The following GPHN variants were observed in gnomAD, a reference collection of about 807,000 sequenced individuals.
GPHN encodes gephyrin.
Under a neutral mutation model 95.5 loss-of-function variants are expected in GPHN, and 17 were observed. That is an observed-to-expected ratio of 0.18 (90% confidence interval 0.12 to 0.27). The LOEUF is 0.27. Ranked by LOEUF, GPHN falls within the 10% of genes least tolerant of loss-of-function variation. The probability of loss-of-function intolerance (pLI) is 1.00; values close to 1 mark genes in which losing one functional copy is unlikely to be tolerated. For missense variants in GPHN, 660 were observed against 978.1 expected (o/e 0.67, Z 4.34); for synonymous variants, 320 against 322.5 (o/e 0.99, Z 0.08).
At chr14:67,094,208 A>T (rs950591772) in intron 12 of GPHN, among the ~76,000 whole-genome samples, 2 of 152,130 alleles carry the variant, frequency 1.3e-5, no homozygotes, top group Admixed American at 6.5e-5. Flanking sequence ...TGTGTACACA[A>T]TGAGTAGTTA....
intron 11 of GPHN, among the ~76,000 whole-genome samples, chr14:67,060,749 A>G (rs989509323): frequency 6.6e-5 from 10 of 151,980 alleles, no homozygotes; most frequent in African/African-American, 2.4e-4. Flanking sequence ...CTTTCTTTAC[A>G]GTTTTTTTTC....
chr14:66,551,881 A>G (rs570485068), intron 1 of GPHN, among the ~76,000 whole-genome samples: 34 of 152,280 alleles, frequency 2.2e-4, no homozygotes, highest in Admixed American at 1.3e-3. Flanking sequence ...CCATGATTCA[A>G]TCACCTCCCA....
chr14:66,557,850 A>G (rs967178430), intron 1 of GPHN, among the ~76,000 whole-genome samples: 2 of 152,188 alleles, frequency 1.3e-5, no homozygotes, highest in Non-Finnish European at 2.9e-5. Context: ...TACTTATTAT[A>G]TGAGTTATTA....
At chr14:67,390,671 G>A in the GPHN span, 14 of 1,609,846 alleles carry the variant, frequency 8.7e-6, no homozygotes, top group Non-Finnish European at 1.2e-5. Flanking sequence ...ACTTTGGAAG[G>A]GTCATAGTAA....
chr14:66,947,648 T>C (rs2067843778), intron 8 of GPHN, among the ~76,000 whole-genome samples: 1 of 152,194 alleles, frequency 6.6e-6, no homozygotes, highest in Admixed American at 6.5e-5. Flanking sequence ...TATTTCGCCA[T>C]ACCCATGATG....
the GPHN span, chr14:67,651,754 T>C: frequency 3.6e-6 from 1 of 274,724 alleles, no homozygotes; most frequent in South Asian, 5.0e-5. Context: ...CCTTTAAAAA[T>C]AGCTTTTCTA....
chr14:66,864,120 A>G (rs2063140097), intron 4 of GPHN, among the ~76,000 whole-genome samples: 1 of 152,218 alleles, frequency 6.6e-6, no homozygotes, highest in African/African-American at 2.4e-5. Context: ...CTCTATAGGA[A>G]AAAGATCTAA....
intron 21 of GPHN, among the ~76,000 whole-genome samples, chr14:67,173,454 G>A (rs6573754): frequency 1.3e-5 from 2 of 151,908 alleles, no homozygotes; most frequent in Non-Finnish European, 2.9e-5. Context: ...GTTACTGCTC[G>A]CCCTGAAAGC....
At chr14:67,201,615 G>T in the GPHN span, 5 of 446,836 alleles carry the variant, frequency 1.1e-5, no homozygotes, top group Non-Finnish European at 2.2e-5. Flanking sequence ...CTGGCAAGGG[G>T]TGTGGAGTGG....
chr14:66,713,566 G>A (rs2069874519), intron 2 of GPHN, among the ~76,000 whole-genome samples: 1 of 152,082 alleles, frequency 6.6e-6, no homozygotes, highest in Non-Finnish European at 1.5e-5. Flanking sequence ...CAGGTAGTGT[G>A]ATGCCTCCAG....
chr14:66,599,390 G>T (rs1351799079), intron 1 of GPHN, among the ~76,000 whole-genome samples: 352 of 68,832 alleles, frequency 5.1e-3, no homozygotes, highest in African/African-American at 0.038. Context: ...ATTTTTTTTT[G>T]CATTTTTTTT....
At chr14:66,589,434 G>T (rs2061551064) in intron 1 of GPHN, among the ~76,000 whole-genome samples, 1 of 151,994 alleles carries the variant, frequency 6.6e-6, no homozygotes, top group African/African-American at 2.4e-5. Context: ...AAAATACACA[G>T]ACTGGTAAAT....
chr14:67,733,742 C>T, the GPHN span: 2 of 1,606,258 alleles, frequency 1.2e-6, no homozygotes, highest in African/African-American at 1.3e-5. Flanking sequence ...TCTCTGCCCT[C>T]CAGTGACTGC....
chr14:66,606,922 T>C (rs1197343645), intron 1 of GPHN, among the ~76,000 whole-genome samples: 2 of 152,142 alleles, frequency 1.3e-5, no homozygotes, highest in Non-Finnish European at 2.9e-5. Flanking sequence ...CCTATTTGAA[T>C]GTATTTTATT....
intron 1 of GPHN, among the ~76,000 whole-genome samples, chr14:66,541,613 G>C (rs2059355985): frequency 6.6e-6 from 1 of 152,184 alleles, no homozygotes; most frequent in South Asian, 2.1e-4. Context: ...AGAGAAATGT[G>C]AAAGTGATTT....
intron 9 of GPHN, among the ~76,000 whole-genome samples, chr14:66,976,452 T>G (rs1365613642): frequency 6.6e-6 from 1 of 152,210 alleles, no homozygotes; most frequent in Non-Finnish European, 1.5e-5. Context: ...TGGCATGATT[T>G]AGAGCTATTT....
intron 4 of GPHN, among the ~76,000 whole-genome samples, chr14:66,873,412 A>G (rs2063524097): frequency 6.6e-6 from 1 of 152,146 alleles, no homozygotes; most frequent in African/African-American, 2.4e-5. Context: ...CAGTGAGACA[A>G]ACTGTTAACT....
the GPHN span, among the ~76,000 whole-genome samples, chr14:67,560,680 A>G: frequency 2.0e-5 from 3 of 152,150 alleles, no homozygotes; most frequent in African/African-American, 4.8e-5. Flanking sequence ...ACCTCCTTCT[A>G]AATAAAAGGA....
chr14:67,224,475 T>C, the GPHN span, among the ~76,000 whole-genome samples: 3 of 152,188 alleles, frequency 2.0e-5, no homozygotes, highest in East Asian at 5.8e-4. Context: ...TTAGCCAGGA[T>C]GGTCTCAATC....
Sources: gnomAD v4.1 joint callset for allele counts (sites outside exome capture counted in the v4.1 genomes callset) on GRCh38, gnomAD v4.1.1 for gene constraint, MANE v1.5 for transcripts, NCBI Gene and HGNC (gene_info 2026-07-23, HGNC 2026-07-21) for gene names.